The following ADGRL3 variants were observed in gnomAD, a reference collection of about 807,000 sequenced individuals.
ADGRL3 encodes calcium-independent alpha-latrotoxin receptor 3.
A neutral mutation model predicts 153.5 loss-of-function variants in ADGRL3; 62 were observed. The ratio of observed to expected loss-of-function variants is 0.40; its 90% CI spans 0.33 to 0.50. ADGRL3 has a LOEUF of 0.50. Among genes scored for constraint, ADGRL3 ranks in the 20% least tolerant of loss-of-function variants. The pLI is 0.47. For synonymous variants in ADGRL3, 710 were observed against 672.5 expected (o/e 1.06, Z -0.86); for missense variants, 1,641 against 1,859.4 (o/e 0.88, Z 2.16).
intron 8 of ADGRL3, among the ~76,000 whole-genome samples, chr4:61,803,040 G>T (rs552239204): frequency 8.6e-5 from 13 of 151,888 alleles, no homozygotes; most frequent in Admixed American, 7.2e-4. Flanking sequence ...ATTTCTATTC[G>T]CTAGTGGTAT....
At chr4:61,213,481 T>C (rs924959530) in intron 1 of ADGRL3, among the ~76,000 whole-genome samples, 5 of 152,154 alleles carry the variant, frequency 3.3e-5, no homozygotes. Flanking sequence ...TTATAGTACA[T>C]GCTTACGTTG....
At chr4:61,694,311 A>G (rs951339571) in intron 6 of ADGRL3, among the ~76,000 whole-genome samples, 1 of 147,686 alleles carries the variant, frequency 6.8e-6, no homozygotes, top group African/African-American at 2.5e-5. Context: ...TATCGGGATT[A>G]CATGCTCCTG....
At chr4:61,426,671 G>C (rs1265074783) in intron 2 of ADGRL3, 1 of 152,266 alleles carries the variant, frequency 6.6e-6, no homozygotes, top group African/African-American at 2.4e-5. Flanking sequence ...CCCAAGCCAG[G>C]CACCTTGGCC....
At chr4:61,347,285 T>C (rs2095938185) in intron 1 of ADGRL3, among the ~76,000 whole-genome samples, 1 of 151,640 alleles carries the variant, frequency 6.6e-6, no homozygotes, top group Non-Finnish European at 1.5e-5. Flanking sequence ...TTCCTGCTAC[T>C]AGATAGAGAG....
chr4:61,240,201 GGT>G lies in ADGRL3; in HGVS notation c.-240+38438_-240+38439del, dbSNP rs1754380173. Among the ~76,000 whole-genome samples the G allele has an allele frequency of 2.0e-5, 3 of 152,160 alleles. No individual in the cohort carries two copies. The South Asian group carries it at 6.2e-4, about 32-fold the overall frequency. On this transcript the variant is annotated intron_variant, in intron 1 of 26. Transcript: ENST00000683033. ...GAAGGGTGAATACTGTATCCTCACTGGTGGAAAGTGGAAGGGCAAAAAGGGGC... is the reference window on the plus strand; with the variant it reads ...GAAGGGTGAATACTGTATCCTCACTGGGAAAGTGGAAGGGCAAAAAGGGGC...
intron 11 of ADGRL3, among the ~76,000 whole-genome samples, chr4:61,896,288 A>T (rs1367009693): frequency 6.6e-6 from 1 of 152,202 alleles, no homozygotes; most frequent in Non-Finnish European, 1.5e-5. Flanking sequence ...TTGCAGACTC[A>T]AATTTTCAGG....
chr4:61,390,366 G>C (rs1452542996), intron 2 of ADGRL3, among the ~76,000 whole-genome samples: 1 of 152,094 alleles, frequency 6.6e-6, no homozygotes, highest in East Asian at 1.9e-4. Context: ...AAAATATTAT[G>C]ATGGTCCAAA....
At chr4:61,897,056 C>T (rs1425782170) in intron 11 of ADGRL3, among the ~76,000 whole-genome samples, 1 of 152,180 alleles carries the variant, frequency 6.6e-6, no homozygotes. Context: ...GTGACTTTAA[C>T]TGATAATGAT....
intron 11 of ADGRL3, among the ~76,000 whole-genome samples, chr4:61,899,535 A>G (rs559178663): frequency 3.9e-5 from 6 of 152,038 alleles, no homozygotes; most frequent in Middle Eastern, 6.8e-3. Context: ...TACACATGCA[A>G]AAAAAAAGTA....
At chr4:61,225,025 T>C (rs1747305219) in intron 1 of ADGRL3, among the ~76,000 whole-genome samples, 1 of 152,216 alleles carries the variant, frequency 6.6e-6, no homozygotes, top group South Asian at 2.1e-4. Flanking sequence ...TATGCTTCCT[T>C]AATTCTCTTT....
At chr4:61,468,995 TAGAC>T (rs2097915205) in intron 2 of ADGRL3, among the ~76,000 whole-genome samples, 1 of 152,118 alleles carries the variant, frequency 6.6e-6, no homozygotes, top group Non-Finnish European at 1.5e-5. Flanking sequence ...CTCAGAGCTC[TAGAC>T]TGTACGCTCT....
intron 21 of ADGRL3, among the ~76,000 whole-genome samples, chr4:62,005,405 T>C (rs2099154005): frequency 6.6e-6 from 1 of 152,162 alleles, no homozygotes; most frequent in African/African-American, 2.4e-5. Context: ...ATGACTGCCA[T>C]AGGCACAATG....
At chr4:61,829,737 G>A (rs1356743974) in intron 9 of ADGRL3, among the ~76,000 whole-genome samples, 1 of 152,000 alleles carries the variant, frequency 6.6e-6, no homozygotes, top group East Asian at 1.9e-4. Flanking sequence ...ATATAAACAG[G>A]GTATAGTTAG....
chr4:61,236,958 A>G (rs1226266522), intron 1 of ADGRL3, among the ~76,000 whole-genome samples: 1 of 152,172 alleles, frequency 6.6e-6, no homozygotes, highest in African/African-American at 2.4e-5. Flanking sequence ...TATTACATTA[A>G]TATCTTTTGC....
At chr4:61,895,205 C>T (rs540002038) in intron 10 of ADGRL3, among the ~76,000 whole-genome samples, 49 of 152,266 alleles carry the variant, frequency 3.2e-4, no homozygotes, top group African/African-American at 1.0e-3. Context: ...CGGTGGCTCA[C>T]GCCTGTAATC....
chr4:61,327,156 CA>C (rs1354263437), intron 1 of ADGRL3, among the ~76,000 whole-genome samples: 7 of 151,842 alleles, frequency 4.6e-5, no homozygotes, highest in Non-Finnish European at 7.4e-5. Flanking sequence ...TAAAAGAAGC[CA>C]CTAAGGTGCA....
intron 9 of ADGRL3, among the ~76,000 whole-genome samples, chr4:61,837,085 C>T (rs1328900985): frequency 6.6e-6 from 1 of 152,040 alleles, no homozygotes; most frequent in Non-Finnish European, 1.5e-5. Context: ...CTGAGGCTTA[C>T]AGAGATGAAG....
intron 4 of ADGRL3, among the ~76,000 whole-genome samples, chr4:61,579,150 A>C (rs575889230): frequency 6.6e-6 from 1 of 152,154 alleles, no homozygotes; most frequent in East Asian, 1.9e-4. Flanking sequence ...ATAATACCTA[A>C]TGTGAAGGGA....
chr4:61,239,447 T>A (rs1754096425), intron 1 of ADGRL3, among the ~76,000 whole-genome samples: 1 of 152,130 alleles, frequency 6.6e-6, no homozygotes, highest in Admixed American at 6.6e-5. Context: ...CCCACTCCAC[T>A]GATGGCTATT....
Sources: gnomAD v4.1 joint callset for allele counts (sites outside exome capture counted in the v4.1 genomes callset) on GRCh38, gnomAD v4.1.1 for gene constraint, MANE v1.5 for transcripts, NCBI Gene and HGNC (gene_info 2026-07-23, HGNC 2026-07-21) for gene names.